PTPN14: variants seen among roughly 807,000 people sequenced by gnomAD.
PTPN14 encodes the protein protein tyrosine phosphatase non-receptor type 14.
In PTPN14, 53 loss-of-function variants were observed where a neutral mutation model predicts 126.8. The observed-to-expected ratio is 0.42, with a 90% CI of 0.34 to 0.53. The LOEUF (loss-of-function observed/expected upper bound fraction) is 0.53, where lower values mean the gene tolerates loss of function less well. Ranked by LOEUF, PTPN14 falls within the 20% of genes least tolerant of loss-of-function variation. The probability of loss-of-function intolerance (pLI) is 0.08; values close to 1 mark genes in which losing one functional copy is unlikely to be tolerated. For synonymous variants in PTPN14, 630 were observed against 599.3 expected, an observed-to-expected ratio of 1.05 and a Z score of -0.75; for missense variants, 1,257 against 1,552.9, an observed-to-expected ratio of 0.81 and a Z score of 3.20.
intron 6 of PTPN14, among the ~76,000 whole-genome samples, chr1:214,402,676 AGGGAG>A (rs1659058037): frequency 4.4e-5 from 5 of 114,778 alleles, no homozygotes; most frequent in South Asian, 3.9e-4. Context: ...GAAGGAAGGA[AGGGAG>A]GGAGGGAAGG....
intron 1 of PTPN14, chr1:214,532,996 C>A (rs370499053): frequency 5.3e-6 from 4 of 757,846 alleles, no homozygotes; most frequent in Non-Finnish European, 9.6e-6. Flanking sequence ...CTGGTCTGAG[C>A]GGACTGAGGA....
intron 1 of PTPN14, among the ~76,000 whole-genome samples, chr1:214,549,434 G>A (rs535325580): frequency 2.6e-5 from 4 of 152,294 alleles, no homozygotes; most frequent in Admixed American, 2.0e-4. Context: ...GCAGAGAAAA[G>A]TATAACAAAC....
intron 1 of PTPN14, among the ~76,000 whole-genome samples, chr1:214,490,350 C>T (rs1285987622): frequency 6.6e-6 from 1 of 152,200 alleles, no homozygotes; most frequent in Non-Finnish European, 1.5e-5. Context: ...TAACATTTAC[C>T]TCTGACAGAG....
intron 16 of PTPN14, among the ~76,000 whole-genome samples, chr1:214,371,926 C>G (rs1250455019): frequency 6.6e-6 from 1 of 152,150 alleles, no homozygotes. Context: ...CTAGGAAAGG[C>G]CACTGCAATA....
chr1:214,476,133 G>T (rs1660861435), intron 1 of PTPN14, among the ~76,000 whole-genome samples: 1 of 152,156 alleles, frequency 6.6e-6, no homozygotes, highest in Non-Finnish European at 1.5e-5. Flanking sequence ...GGCAGAATCA[G>T]GGTCCCATCC....
chr1:214,465,949 T>A (rs1317143107), intron 1 of PTPN14, among the ~76,000 whole-genome samples: 1 of 118,676 alleles, frequency 8.4e-6, no homozygotes, highest in African/African-American at 3.4e-5. Flanking sequence ...ATCAGTTACT[T>A]CCTTTTTTTT....
At chr1:214,419,357 C>A (rs951515004) in intron 3 of PTPN14, among the ~76,000 whole-genome samples, 2 of 152,116 alleles carry the variant, frequency 1.3e-5, no homozygotes, top group African/African-American at 2.4e-5. Flanking sequence ...CCCATAGGCA[C>A]GGTCAGTAGG....
chr1:214,414,545 T>C (rs1659382259), intron 4 of PTPN14, 84 bp downstream of exon 4: 1 of 1,239,676 alleles, frequency 8.1e-7, no homozygotes, highest in East Asian at 2.4e-5. Flanking sequence ...TTTAAGTAAA[T>C]CTAACTTCTC....
At chr1:214,394,867 T>C in intron 9 of PTPN14, 32 bp downstream of exon 9, 1 of 1,570,512 alleles carries the variant, frequency 6.4e-7, no homozygotes, top group Non-Finnish European at 8.8e-7. Flanking sequence ...CAGTGTCTTG[T>C]CAGACCCTGA....
chr1:214,414,713 G>A lies in PTPN14; in HGVS notation c.358C>T (p.Leu120=), dbSNP rs974170122. 4 of 1,613,274 alleles carry A rather than the reference G, an allele frequency of 2.5e-6. No homozygotes were observed. Among genetic ancestry groups the A allele is most frequent in the Non-Finnish European group, 3.4e-6 (4 of 1,179,268 alleles). ...TCAAGCACATCTTTTTTGACTTGCA[G>A]GTAATACTGATATCTGTTCATGGGA... ...QQEATRYQYY[L]QVKKDVLEGR... The change falls in exon 4 of 19, where the codon CTG becomes TTG. Residue 120 remains leucine (L), a synonymous_variant. Coordinates refer to ENST00000366956, the MANE Select transcript of PTPN14 (RefSeq NM_005401.5).
chr1:214,452,989 C>T (rs1218321794), intron 2 of PTPN14, among the ~76,000 whole-genome samples: 1 of 152,184 alleles, frequency 6.6e-6, no homozygotes, highest in African/African-American at 2.4e-5. Flanking sequence ...ACAGATCAAT[C>T]CCTGCCACAA....
intron 1 of PTPN14, among the ~76,000 whole-genome samples, chr1:214,544,673 C>T: frequency 6.6e-6 from 1 of 151,706 alleles, no homozygotes; most frequent in East Asian, 1.9e-4. Flanking sequence ...ATCGCTTGAA[C>T]CTGGGAGGTG....
intron 11 of PTPN14, among the ~76,000 whole-genome samples, chr1:214,388,891 C>T (rs1158216379): frequency 6.6e-6 from 1 of 151,976 alleles, no homozygotes; most frequent in Non-Finnish European, 1.5e-5. Context: ...ATTTTCTTTG[C>T]CACAAACAAT....
intron 1 of PTPN14, among the ~76,000 whole-genome samples, chr1:214,510,370 T>C (rs1654944727): frequency 6.6e-6 from 1 of 152,222 alleles, no homozygotes. Flanking sequence ...CACGTGCCGT[T>C]GGAAAAACAG....
chr1:214,502,964 T>C (rs1202636874), intron 1 of PTPN14, among the ~76,000 whole-genome samples: 2 of 152,174 alleles, frequency 1.3e-5, no homozygotes, highest in East Asian at 1.9e-4. Flanking sequence ...TTAGTATTGA[T>C]TATTGAAAAT....
chr1:214,428,734 C>G (rs897922377), intron 3 of PTPN14, among the ~76,000 whole-genome samples: 1 of 152,168 alleles, frequency 6.6e-6, no homozygotes, highest in East Asian at 1.9e-4. Context: ...TGAAACACTG[C>G]TCTCACCCAG....
chr1:214,453,617 A>G (rs1419494607), intron 2 of PTPN14, among the ~76,000 whole-genome samples: 1 of 151,908 alleles, frequency 6.6e-6, no homozygotes, highest in East Asian at 1.9e-4. Context: ...CACGACTACT[A>G]CTCCTGTTAC....
chr1:214,500,541 G>C (rs1030188975), intron 1 of PTPN14, among the ~76,000 whole-genome samples: 8 of 152,134 alleles, frequency 5.3e-5, no homozygotes, highest in Admixed American at 4.6e-4. Flanking sequence ...CCAAATACAA[G>C]TGGCTTGAGG....
chr1:214,519,086 T>C (rs1483108663), intron 1 of PTPN14, among the ~76,000 whole-genome samples: 1 of 151,996 alleles, frequency 6.6e-6, no homozygotes, highest in Non-Finnish European at 1.5e-5. Context: ...CTGGCCAACA[T>C]GGTGAAACCC....
Sources: gnomAD v4.1 joint callset for allele counts (sites outside exome capture counted in the v4.1 genomes callset) on GRCh38, gnomAD v4.1.1 for gene constraint, MANE v1.5 for transcripts, NCBI Gene and HGNC (gene_info 2026-07-23, HGNC 2026-07-21) for gene names.